Variants in NCOA2 observed in about 807,000 individuals in gnomAD.
NCOA2 encodes the protein class E basic helix-loop-helix protein 75.
NCOA2 carries 21 observed loss-of-function variants against 145.1 expected under a neutral mutation model. The ratio of observed to expected loss-of-function variants is 0.14; its 90% confidence interval spans 0.10 to 0.21. The LOEUF (loss-of-function observed/expected upper bound fraction) is 0.21, where lower values mean the gene tolerates loss of function less well. Among genes scored for constraint, NCOA2 ranks in the 10% least tolerant of loss-of-function variants. The pLI, the probability that NCOA2 is intolerant of heterozygous loss-of-function variation, is 1.00. For synonymous variants in NCOA2, 619 were observed against 637.5 expected (o/e 0.97, Z 0.44); for missense variants, 1,472 against 1,837.6 (o/e 0.80, Z 3.64).
At chr8:70,426,490 G>C in the NCOA2 span, among the ~76,000 whole-genome samples, 1 of 152,130 alleles carries the variant, frequency 6.6e-6, no homozygotes. Flanking sequence ...ACTAAGAACT[G>C]ACTAAAAGAC....
At chr8:70,449,354 C>A in the NCOA2 span, among the ~76,000 whole-genome samples, 2 of 152,164 alleles carry the variant, frequency 1.3e-5, no homozygotes, top group African/African-American at 4.8e-5. Flanking sequence ...CAGTTACAGT[C>A]CCAAGAGTAA....
intron 19 of NCOA2, 64 bp from the exon 20 acceptor site, chr8:70,124,929 G>A (rs540468607): frequency 1.8e-5 from 25 of 1,405,092 alleles, no homozygotes; most frequent in Admixed American, 2.5e-5. Flanking sequence ...AGAGACTGGT[G>A]GGGGGGAAAG....
intron 1 of NCOA2, among the ~76,000 whole-genome samples, chr8:70,316,556 G>A (rs1805596695): frequency 6.6e-6 from 1 of 152,114 alleles, no homozygotes; most frequent in African/African-American, 2.4e-5. Flanking sequence ...GTTTTGGACT[G>A]AGCTCCTACA....
At chr8:70,386,325 G>A (rs1812661154) in intron 1 of NCOA2, among the ~76,000 whole-genome samples, 1 of 152,154 alleles carries the variant, frequency 6.6e-6, no homozygotes, top group Non-Finnish European at 1.5e-5. Context: ...TTGGATGAGA[G>A]ACTTGTTCTA....
At chr8:70,332,452 T>A (rs764892856) in intron 1 of NCOA2, among the ~76,000 whole-genome samples, 4 of 152,180 alleles carry the variant, frequency 2.6e-5, no homozygotes, top group African/African-American at 4.8e-5. Flanking sequence ...TTTCCCAACT[T>A]CTTCTTCCTA....
chr8:70,142,084 G>C (rs1037253007), intron 13 of NCOA2, among the ~76,000 whole-genome samples: 1 of 152,170 alleles, frequency 6.6e-6, no homozygotes, highest in Non-Finnish European at 1.5e-5. Flanking sequence ...CCACACATAA[G>C]AGCGTAACGC....
At chr8:70,349,069 GA>G (rs1284475756) in intron 1 of NCOA2, among the ~76,000 whole-genome samples, 1 of 152,044 alleles carries the variant, frequency 6.6e-6, no homozygotes, top group African/African-American at 2.4e-5. Context: ...AGACTGGCCA[GA>G]AACAGAAGAA....
upstream of NCOA2, among the ~76,000 whole-genome samples, chr8:70,404,514 C>T (rs1053112922): frequency 6.6e-6 from 1 of 152,208 alleles, no homozygotes; most frequent in African/African-American, 2.4e-5. Flanking sequence ...GGAGGCGCCC[C>T]GCATCCGTCA....
intron 1 of NCOA2, among the ~76,000 whole-genome samples, chr8:70,369,008 A>T (rs987974835): frequency 4.6e-5 from 7 of 152,210 alleles, no homozygotes; most frequent in African/African-American, 1.7e-4. Context: ...TCTCAAAAAA[A>T]AGGAAAAAAA....
chr8:70,389,331 A>G (rs1176265370), intron 1 of NCOA2, among the ~76,000 whole-genome samples: 4 of 151,710 alleles, frequency 2.6e-5, no homozygotes, highest in Non-Finnish European at 5.9e-5. Flanking sequence ...CCCAGACTGG[A>G]GTGCAATGGC....
intron 2 of NCOA2, among the ~76,000 whole-genome samples, chr8:70,244,847 A>C (rs954269706): frequency 4.6e-5 from 7 of 152,116 alleles, no homozygotes; most frequent in Non-Finnish European, 7.4e-5. Context: ...CACGGAATCA[A>C]TTTGGGTCAC....
chr8:70,293,191 T>C lies in NCOA2; in HGVS notation c.-20+3553A>G, dbSNP rs76628979. Among the ~76,000 whole-genome samples, 938 of 152,340 alleles carry C rather than the reference T, an allele frequency of 6.2e-3. 18 individuals carry two copies. The highest frequency in any genetic ancestry group is 0.031 in the Admixed American group (472 of 15,308). ...TCAGTATTCTCAATTTTAGTTTAGATTAATACTGATTTTCAGTAGATAGTG... is the reference window on the plus strand; with the variant it reads ...TCAGTATTCTCAATTTTAGTTTAGACTAATACTGATTTTCAGTAGATAGTG... On this transcript the variant is annotated intron_variant, in intron 2 of 22. Coordinates refer to ENST00000452400, the MANE Select transcript of NCOA2 (RefSeq NM_006540.4).
chr8:70,253,274 A>G (rs1823352604), intron 2 of NCOA2, among the ~76,000 whole-genome samples: 1 of 152,160 alleles, frequency 6.6e-6, no homozygotes, highest in Non-Finnish European at 1.5e-5. Context: ...GATGTCTTCT[A>G]GTTCTTTCTT....
chr8:70,112,403 T>A lies in NCOA2; in HGVS notation c.*1229A>T, dbSNP rs1053080337. 5 of 193,634 alleles carry A rather than the reference T, an allele frequency of 2.6e-5. No homozygotes were observed. Among genetic ancestry groups the A allele is most frequent in the African/African-American group, 1.2e-4 (5 of 43,072 alleles). The allele number at this position is 193,634 out of a possible 1,614,324, so 12.0% of individuals were successfully genotyped here. On this transcript the variant is annotated 3_prime_UTR_variant, in exon 23 of 23. Coordinates refer to ENST00000452400, the MANE Select transcript of NCOA2 (RefSeq NM_006540.4). ...AATTATTGCTTGTTTACATATAAAT[T>A]GGATTTTATGTACCTTACAAAACTT...
At chr8:70,335,437 G>A (rs938052379) in intron 1 of NCOA2, among the ~76,000 whole-genome samples, 11 of 151,060 alleles carry the variant, frequency 7.3e-5, no homozygotes, top group African/African-American at 2.2e-4. Context: ...GCTTTCTTCT[G>A]TGTGTGACAC....
intron 1 of NCOA2, among the ~76,000 whole-genome samples, chr8:70,344,586 C>T (rs761363875): frequency 1.3e-5 from 2 of 152,138 alleles, no homozygotes; most frequent in Non-Finnish European, 2.9e-5. Context: ...CTCTTATGCA[C>T]TGATTAATGG....
chr8:70,353,639 T>C (rs1467754169), intron 1 of NCOA2, among the ~76,000 whole-genome samples: 1 of 151,912 alleles, frequency 6.6e-6, no homozygotes, highest in East Asian at 1.9e-4. Flanking sequence ...TTGTTACTTA[T>C]CTGTCAGCAG....
chr8:70,381,610 T>C (rs1319608035), intron 1 of NCOA2, among the ~76,000 whole-genome samples: 1 of 152,216 alleles, frequency 6.6e-6, no homozygotes, highest in African/African-American at 2.4e-5. Flanking sequence ...ACCATATAAT[T>C]ACCAAATGTA....
intron 2 of NCOA2, among the ~76,000 whole-genome samples, chr8:70,289,850 G>C (rs541087216): frequency 6.6e-6 from 1 of 151,916 alleles, no homozygotes; most frequent in African/African-American, 2.4e-5. Flanking sequence ...TAAGAGACTG[G>C]ATCTTGCTAT....
Sources: allele counts gnomAD v4.1 joint callset (sites outside exome capture counted in the v4.1 genomes callset), GRCh38; gene constraint gnomAD v4.1.1; transcripts MANE v1.5; gene names NCBI Gene and HGNC (gene_info 2026-07-23, HGNC 2026-07-21).